Variants in PHF8 observed in about 807,000 individuals in gnomAD.
The protein encoded by PHF8 is histone lysine demethylase PHF8.
Under a neutral mutation model 74.4 loss-of-function variants are expected in PHF8, and 9 were observed. The ratio of observed to expected loss-of-function variants is 0.12; its 90% CI spans 0.07 to 0.21. The LOEUF (loss-of-function observed/expected upper bound fraction) is 0.21, where lower values mean the gene tolerates loss of function less well. Among genes scored for constraint, PHF8 ranks in the 10% least tolerant of loss-of-function variants. The pLI, the probability that PHF8 is intolerant of heterozygous loss-of-function variation, is 1.00. For synonymous variants in PHF8, 311 were observed against 316.6 expected (o/e 0.98, Z 0.19); for missense variants, 478 against 816.6 (o/e 0.59, Z 5.05).
intron 7 of PHF8, among the ~76,000 whole-genome samples, chrX:54,013,567 C>A (rs1449926102): frequency 9.0e-6 from 1 of 111,016 alleles, no homozygotes; most frequent in African/African-American, 3.3e-5. Context: ...ACTGTAATCC[C>A]AACACTTTGG....
chrX:53,958,552 C>T (rs1296186124), intron 19 of PHF8, among the ~76,000 whole-genome samples: 5 of 103,403 alleles, frequency 4.8e-5, no homozygotes, highest in South Asian at 4.6e-4. Flanking sequence ...GAGGCCGAGG[C>T]GGGCGGATCA....
rs782359059 is a variant in PHF8 at position 53,993,916 on chromosome X, T to C, written c.1324-13A>G. ...GTTGGAAGATGTCCTACAAGAGTGT[T>C]AGTACATGAGGGGGTTAGAGCTTAC... On this transcript the variant is annotated splice_polypyrimidine_tract_variant and intron_variant, in intron 12 of 21. Transcript: ENST00000338154. 9 of 1,161,528 alleles carry C rather than the reference T, an allele frequency of 7.7e-6. No individual in the cohort carries two copies. In the South Asian group the frequency reaches 1.6e-4, roughly 21 times the overall value.
At chrX:53,958,475 T>G (rs1557089504) in intron 19 of PHF8, among the ~76,000 whole-genome samples, 1 of 107,402 alleles carries the variant, frequency 9.3e-6, no homozygotes, top group African/African-American at 3.4e-5. Flanking sequence ...AAACTGTCTC[T>G]GAGAAGATAA....
At chrX:54,028,169 G>T (rs2066299738) in intron 2 of PHF8, among the ~76,000 whole-genome samples, 1 of 111,425 alleles carries the variant, frequency 9.0e-6, no homozygotes, top group African/African-American at 3.3e-5. Flanking sequence ...ATCCCAATAA[G>T]AACAGCAAGT....
At chrX:54,044,515 C>CG (rs1298856089), upstream of PHF8, 12 of 537,095 alleles carry the variant, frequency 2.2e-5, no homozygotes, top group East Asian at 3.6e-4. Flanking sequence ...CGCCGGCTCC[C>CG]GGGTGACGTC....
At chrX:54,036,571 CAAAAAAAAA>C (rs1160936317) in intron 2 of PHF8, among the ~76,000 whole-genome samples, 2 of 6,191 alleles carry the variant, frequency 3.2e-4, no homozygotes, top group Non-Finnish European at 7.1e-4. Context: ...GACACTGTCT[CAAAAAAAAA>C]AAAAAAAAAA....
chrX:53,999,093 T>C (rs1297616405), intron 11 of PHF8, among the ~76,000 whole-genome samples: 3 of 111,869 alleles, frequency 2.7e-5, no homozygotes, highest in East Asian at 2.8e-4. Context: ...GACAAACCAA[T>C]AGATTCAAAC....
chrX:53,955,557 CTTTTTTTTTT>C (rs369969712), intron 19 of PHF8, among the ~76,000 whole-genome samples: 10 of 72,987 alleles, frequency 1.4e-4, no homozygotes, highest in African/African-American at 5.2e-4. Flanking sequence ...CTCTTCTTTT[CTTTTTTTTTT>C]TTTTTTTTTT....
upstream of PHF8, chrX:54,044,945 T>C: frequency 1.9e-6 from 2 of 1,050,787 alleles, no homozygotes; most frequent in Non-Finnish European, 2.6e-6. Flanking sequence ...TGTTGGTTCT[T>C]CCCCCTGTGA....
intron 8 of PHF8, among the ~76,000 whole-genome samples, chrX:54,010,187 A>G (rs1293243386): frequency 1.8e-5 from 2 of 110,011 alleles, no homozygotes; most frequent in East Asian, 5.8e-4. Context: ...CGGGCGTGGT[A>G]GTGCAAGCCT....
rs1204240087 is a variant in PHF8, at chrX:54,019,303, C to CA, written c.294-1483dup. ...CAAAACCCCGTCTCTACAAAAAATA[C>CA]AAAAAAAAAATTAGCTGGGCGTGGT... On this transcript the variant is annotated intron_variant, in intron 4 of 21. Transcript: ENST00000338154. 1.5e-4 allele frequency among the ~76,000 whole-genome samples: 16 copies of CA among 103,287 alleles called. 1 individual carries two copies. The highest frequency in any genetic ancestry group is 1.3e-3 in the South Asian group (3 of 2,339). 89.7% of individuals were successfully genotyped at this position (103,287 alleles called of 115,157 possible).
chrX:54,023,632 C>T (rs1025819589), intron 2 of PHF8, among the ~76,000 whole-genome samples: 25 of 107,904 alleles, frequency 2.3e-4, no homozygotes, highest in African/African-American at 8.1e-4. Context: ...TTTGGGAGGC[C>T]GAGGCAGGAG....
intron 14 of PHF8, among the ~76,000 whole-genome samples, chrX:53,989,160 C>T (rs1490350429): frequency 9.1e-6 from 1 of 109,972 alleles, no homozygotes; most frequent in Non-Finnish European, 1.9e-5. Context: ...ACAAGGGTTT[C>T]GTCATGTTGG....
rs1296712786 is a variant in PHF8, at chrX:53,937,890, C to T, written c.*1268G>A. The T allele has an allele frequency of 2.7e-5, 20 of 742,944 alleles. No individual in the cohort carries two copies. Among genetic ancestry groups the T allele is most frequent in the South Asian group, 2.2e-4 (9 of 40,344 alleles). The allele number at this position is 742,944 out of a possible 1,213,427, so 61.2% of individuals were successfully genotyped here. On this transcript the variant is annotated 3_prime_UTR_variant, in exon 22 of 22. Transcript: ENST00000338154. ...AGTCCAGATTGCCAGTGAGGCAAGG[C>T]GGTGGGAGGTGGGGGCACTGTCTGG...
chrX:53,961,092 G>A, intron 19 of PHF8, among the ~76,000 whole-genome samples: 1 of 108,732 alleles, frequency 9.2e-6, no homozygotes. Flanking sequence ...CATGGTCTCG[G>A]CTCAGTGCAA....
chrX:53,963,437 A>G (rs1284639743), intron 18 of PHF8, among the ~76,000 whole-genome samples: 3 of 111,933 alleles, frequency 2.7e-5, no homozygotes, highest in Admixed American at 9.6e-5. Flanking sequence ...GCCTACTAGC[A>G]CACTGAAGCA....
At chrX:53,986,919 ACT>A (rs1457958067) in intron 16 of PHF8, among the ~76,000 whole-genome samples, 157 bp downstream of exon 16, 2 of 111,258 alleles carry the variant, frequency 1.8e-5, no homozygotes, top group Admixed American at 9.7e-5. Flanking sequence ...GAGCGAGGAG[ACT>A]CTGTCTCAAA....
At chrX:53,995,570 G>A (rs1174550663) in intron 12 of PHF8, 123 bp downstream of exon 12, 11 of 506,055 alleles carry the variant, frequency 2.2e-5, no homozygotes, top group Non-Finnish European at 3.2e-5. Context: ...AATGAATTGG[G>A]TCTTTGGTAG....
Position 53,940,226 on chromosome X carries a change from G to A in PHF8, c.2940C>T (p.Thr980=), listed in dbSNP as rs140302385. 86 of 1,191,079 alleles carry A rather than the reference G, an allele frequency of 7.2e-5. No individual in the cohort carries two copies. The highest frequency in any genetic ancestry group is 9.4e-5 in the Non-Finnish European group (83 of 885,360). ...TTPMAPGVFL[T]QRRPSVGSQS... Reference sequence around the variant, plus strand: ...GGGAGCCAACTGAAGGGCGCCGCTGGGTCAAGAAGACACCGGGGGCCATAG... The same window carrying A: ...GGGAGCCAACTGAAGGGCGCCGCTGAGTCAAGAAGACACCGGGGGCCATAG... The change falls in exon 21 of 22, where the codon ACC becomes ACT. Residue 980 remains threonine, a synonymous_variant. Coordinates refer to ENST00000338154, the MANE Select transcript of PHF8 (RefSeq NM_015107.3).
Sources: gnomAD v4.1 joint callset for allele counts (sites outside exome capture counted in the v4.1 genomes callset) on GRCh38, gnomAD v4.1.1 for gene constraint, MANE v1.5 for transcripts, NCBI Gene and HGNC (gene_info 2026-07-23, HGNC 2026-07-21) for gene names.